Variants in RGP1 observed in about 807,000 individuals in gnomAD.
The protein encoded by RGP1 is RAB6A-GEF complex partner protein 2.
RGP1 carries 28 observed loss-of-function variants against 44.5 expected under a neutral mutation model. That is an observed-to-expected ratio of 0.63 (90% confidence interval 0.47 to 0.86). The LOEUF (loss-of-function observed/expected upper bound fraction) is 0.86, where lower values mean the gene tolerates loss of function less well. RGP1 is among the 40% of genes least tolerant of loss of function. The probability of loss-of-function intolerance (pLI) is 0.00; values close to 1 mark genes in which losing one functional copy is unlikely to be tolerated. For missense variants in RGP1, 417 were observed against 490.7 expected (o/e 0.85, Z 1.42); for synonymous variants, 212 against 196.7 (o/e 1.08, Z -0.65).
In RGP1 at chr9:35,751,724, C is replaced by T. The variant is rs1827268697; in HGVS notation, c.732C>T (p.Asn244=). 6.2e-7 allele frequency: 1 copy of T among 1,613,884 alleles called. No homozygotes were observed. Among genetic ancestry groups the T allele is most frequent in the Non-Finnish European group, 8.5e-7 (1 of 1,179,866 alleles). ...RLGEDVVGTL[N]LGEGTVACLQ... The stretch of plus-strand genomic sequence containing the variant: ...GCGAGGACGTGGTGGGGACCTTAAA[C>T]TTAGGGGAAGGAACCGTAGCTTGTT... The change falls in exon 7 of 9, where the codon AAC becomes AAT. Residue 244 remains asparagine, a synonymous_variant. Coordinates refer to ENST00000378078, the MANE Select transcript of RGP1 (RefSeq NM_001080496.3).
At chr9:35,776,311 G>C in the RGP1 span, among the ~76,000 whole-genome samples, 6 of 150,966 alleles carry the variant, frequency 4.0e-5, no homozygotes, top group African/African-American at 1.2e-4. Context: ...TTTTTAGATG[G>C]AGTCTTGCTG....
At chr9:35,775,724 A>G in the RGP1 span, among the ~76,000 whole-genome samples, 1 of 152,332 alleles carries the variant, frequency 6.6e-6, no homozygotes, top group East Asian at 1.9e-4. Flanking sequence ...TTTTCAATGA[A>G]GAGATGAAAA....
chr9:35,787,140 T>G, the RGP1 span, among the ~76,000 whole-genome samples: 1 of 149,142 alleles, frequency 6.7e-6, no homozygotes, highest in Non-Finnish European at 1.5e-5. Flanking sequence ...TTAAAAAAAA[T>G]AAAAAAGAAA....
chr9:35,768,937 G>A, the RGP1 span, among the ~76,000 whole-genome samples: 1 of 152,198 alleles, frequency 6.6e-6, no homozygotes. Context: ...GACAATGTAG[G>A]CAACTGTGAA....
chr9:35,751,948 G>C lies in RGP1; in HGVS notation c.763-8G>C, dbSNP rs745347691. 1 of 1,565,178 alleles carries C rather than the reference G, an allele frequency of 6.4e-7. No individual in the cohort carries two copies. Among genetic ancestry groups the C allele is most frequent in the South Asian group, 1.2e-5 (1 of 82,724 alleles). ...TCCTGTTAGCACACACCTGTCTCTT[G>C]CTCCCAGTTTTCAGTCAGCTTACAG... On this transcript the variant is annotated splice_region_variant and splice_polypyrimidine_tract_variant and intron_variant, in intron 7 of 8. Transcript: ENST00000378078.
chr9:35,752,204 G>T, intron 8 of RGP1, 59 bp downstream of exon 8: 1 of 1,455,310 alleles, frequency 6.9e-7, no homozygotes, highest in Non-Finnish European at 9.2e-7. Context: ...CTGTGCTAAG[G>T]GAGGGTGTAA....
chr9:35,749,877 G>T lies in RGP1; in HGVS notation c.116+6G>T. 1 of 1,600,772 alleles carries T rather than the reference G, an allele frequency of 6.2e-7. No individual in the cohort carries two copies. The highest frequency in any genetic ancestry group is 8.6e-7 in the Non-Finnish European group (1 of 1,169,104). The stretch of plus-strand genomic sequence containing the variant: ...ACGGCCACTTCTGCATCCAGGTGGG[G>T]ATGCTGGCACTGAAGGTGGTGGCCC... On this transcript the variant is annotated splice_donor_region_variant and intron_variant, in intron 2 of 8. Coordinates refer to ENST00000378078, the MANE Select transcript of RGP1 (RefSeq NM_001080496.3). This position sits in a 1 kb window ranked among gnomAD's most constrained non-coding sequence, Gnocchi z 4.4.
At position 35,754,189 on chromosome 9, in the gene RGP1, C is replaced by A; in HGVS notation, c.*1315C>A. ...CTCTGCTCAGCTACTCTGGTCTTGA[C>A]TCCTTGACTTTGCTTTGCGTTGCTC... is the stretch of plus-strand genomic sequence containing the variant. On this transcript the variant is annotated 3_prime_UTR_variant, in exon 9 of 9. Coordinates refer to ENST00000378078, the MANE Select transcript of RGP1 (RefSeq NM_001080496.3). 1 of 1,560,660 alleles carries A rather than the reference C, an allele frequency of 6.4e-7. No individual in the cohort carries two copies. The highest frequency in any genetic ancestry group is 1.2e-5 in the South Asian group (1 of 84,714).
intron 6 of RGP1, 78 bp downstream of exon 6, chr9:35,751,490 CCACA>C: frequency 3.7e-6 from 6 of 1,601,174 alleles, no homozygotes; most frequent in Non-Finnish European, 5.1e-6. Context: ...CTCCTAACCA[CCACA>C]CACTTCTGTG....
chr9:35,770,941 T>C, the RGP1 span, among the ~76,000 whole-genome samples: 3 of 152,236 alleles, frequency 2.0e-5, no homozygotes, highest in Non-Finnish European at 4.4e-5. Flanking sequence ...AGGCGTATTA[T>C]ATCTTCAGGG....
At chr9:35,777,851 C>T in the RGP1 span, among the ~76,000 whole-genome samples, 2 of 152,256 alleles carry the variant, frequency 1.3e-5, no homozygotes, top group Non-Finnish European at 2.9e-5. Flanking sequence ...CCCATCTTTC[C>T]CTTTGAGGTC....
At position 35,749,472 on chromosome 9, in the gene RGP1, A is replaced by T; in HGVS notation, c.-20+64A>T. On this transcript the variant is annotated intron_variant, in intron 1 of 8. Transcript: ENST00000378078. The surrounding 1 kb of genome is among the most constrained non-coding windows in gnomAD (Gnocchi z 4.4). ...TTTGAGGAAAGGGGGAGCGGAGGCCAGTTTGGGAACTCCGCGGGGGTGCCC... is the reference window on the plus strand; with the variant it reads ...TTTGAGGAAAGGGGGAGCGGAGGCCTGTTTGGGAACTCCGCGGGGGTGCCC... 1.6e-6 allele frequency: 1 copy of T among 634,512 alleles called. No homozygotes were observed. The highest frequency in any genetic ancestry group is 1.4e-5 in the South Asian group (1 of 71,018). 39.3% of individuals were successfully genotyped at this position (634,512 alleles called of 1,614,324 possible). A position where few individuals can be genotyped will look rare whatever the true frequency, so the allele number is the denominator to read the frequency against.
chr9:35,787,744 T>G, the RGP1 span, among the ~76,000 whole-genome samples: 2 of 152,384 alleles, frequency 1.3e-5, no homozygotes, highest in African/African-American at 2.4e-5. Flanking sequence ...TTCTATATAC[T>G]TTGCTACATT....
the RGP1 span, among the ~76,000 whole-genome samples, chr9:35,781,263 G>A: frequency 6.6e-6 from 1 of 151,926 alleles, no homozygotes; most frequent in African/African-American, 2.4e-5. Context: ...GGAGGCTGGA[G>A]AGGAAGATGG....
At chr9:35,763,131 AGCCAC>A (rs1240868651), downstream of RGP1, among the ~76,000 whole-genome samples, 1 of 152,238 alleles carries the variant, frequency 6.6e-6, no homozygotes, top group Non-Finnish European at 1.5e-5. Flanking sequence ...ATTCTGTATT[AGCCAC>A]TTAACTAGTC....
the RGP1 span, among the ~76,000 whole-genome samples, chr9:35,778,658 T>C: frequency 6.6e-6 from 1 of 152,328 alleles, no homozygotes; most frequent in East Asian, 1.9e-4. Flanking sequence ...CTTTTGTGCA[T>C]TGGCTTTGCC....
Position 35,750,965 on chromosome 9 carries a change from C to T in RGP1, c.463C>T (p.Pro155Ser). ...CTCCCCTATCACTTTACTCAGAGTC[C>T]CTCTGAGGGTTCTTGTGCTGACTGG... The part of the protein sequence containing the change: ...VNSPITLLRV[P>S]LRVLVLTGLQ... Residue 155 changes from proline (P) to serine (S), a missense_variant, in exon 5 of 9, where the codon CCT (proline) becomes TCT (serine). Pro to Ser is a moderately conservative substitution (Grantham distance 74). Transcript: ENST00000378078. The T allele has an allele frequency of 1.2e-6, 2 of 1,613,856 alleles. No homozygotes were observed. The highest frequency in any genetic ancestry group is 1.7e-6 in the Non-Finnish European group (2 of 1,179,856).
rs1156364905 is a variant in RGP1 at position 35,754,089 on chromosome 9, A to T, written c.*1215A>T. The T allele has an allele frequency of 2.5e-6, 4 of 1,613,612 alleles. No individual in the cohort carries two copies. Among genetic ancestry groups the T allele is most frequent in the South Asian group, 2.2e-5 (2 of 91,074 alleles). On this transcript the variant is annotated 3_prime_UTR_variant, in exon 9 of 9. Coordinates refer to ENST00000378078, the MANE Select transcript of RGP1 (RefSeq NM_001080496.3). Reference sequence around the variant, plus strand: ...GCAGATGATCCCCCAGCCTCCTAGGATCCCCTTGGCCTGTCCAGCCCAGAG... The same window carrying T: ...GCAGATGATCCCCCAGCCTCCTAGGTTCCCCTTGGCCTGTCCAGCCCAGAG...
chr9:35,773,605 G>A, the RGP1 span, among the ~76,000 whole-genome samples: 5 of 151,562 alleles, frequency 3.3e-5, no homozygotes, highest in Non-Finnish European at 7.4e-5. Flanking sequence ...GGATTCAAGC[G>A]ATTCTCCTGC....
Sources: allele counts gnomAD v4.1 joint callset (sites outside exome capture counted in the v4.1 genomes callset), GRCh38; gene constraint gnomAD v4.1.1; non-coding constraint Gnocchi (gnomAD v3.1); transcripts MANE v1.5; gene names NCBI Gene and HGNC (gene_info 2026-07-23, HGNC 2026-07-21).